Variants in HHEX observed in about 807,000 individuals in gnomAD.
HHEX encodes the protein hematopoietically expressed homeobox.
Under a neutral mutation model 27.0 loss-of-function variants are expected in HHEX, and 8 were observed. The observed-to-expected ratio is 0.30, with a 90% CI of 0.17 to 0.54. The LOEUF (loss-of-function observed/expected upper bound fraction) is 0.54. Ranked by LOEUF, HHEX falls within the 20% of genes least tolerant of loss-of-function variation. The pLI, the probability that HHEX is intolerant of heterozygous loss-of-function variation, is 0.95. For missense variants in HHEX, 326 were observed against 357.2 expected, an observed-to-expected ratio of 0.91 and a Z score of 0.70; for synonymous variants, 164 against 161.5, an observed-to-expected ratio of 1.02 and a Z score of -0.12.
intron 1 of HHEX, chr10:92,691,442 C>T (rs924384127): frequency 6.6e-6 from 1 of 152,240 alleles, no homozygotes; most frequent in Admixed American, 6.5e-5. Context: ...TTAATGTCTC[C>T]ATTATTACGG....
At position 92,694,992 on chromosome 10, in the gene HHEX, T is replaced by G; in HGVS notation, c.*224T>G. ...ATGTACTGCTCTTAGGTTGTTTTGA[T>G]AAAGTGACATTATAGTGATTAAATT... On this transcript the variant is annotated 3_prime_UTR_variant, in exon 4 of 4. Coordinates refer to ENST00000282728, the MANE Select transcript of HHEX (RefSeq NM_002729.5). 1 of 507,314 alleles carries G rather than the reference T, an allele frequency of 2.0e-6. No individual in the cohort carries two copies. The highest frequency in any genetic ancestry group is 2.6e-5 in the South Asian group (1 of 38,944). The allele number at this position is 507,314 out of a possible 1,614,324, so 31.4% of individuals were successfully genotyped here.
Position 92,692,398 on chromosome 10 carries a change from A to G in HHEX, c.392A>G (p.Gln131Arg). The change falls in exon 2 of 4, where the codon CAG becomes CGG. Residue 131 changes from glutamine (Q) to arginine (R), a missense_variant. This residue lies in a region of HHEX where 215 missense variants were observed against 196.4 expected (regional missense o/e 1.09). Transcript: ENST00000282728. ...CCTCTACTCTGGAGCCCCTTCTTGCAGAGGCCTCTGCATAAAAGGAAAGGC... is the reference window on the plus strand; with the variant it reads ...CCTCTACTCTGGAGCCCCTTCTTGCGGAGGCCTCTGCATAAAAGGAAAGGC... Reference protein sequence around the residue: ...GKPLLWSPFLQRPLHKRKGGQ... With the variant: ...GKPLLWSPFLRRPLHKRKGGQ... 1.2e-6 allele frequency: 2 copies of G among 1,613,368 alleles called. No homozygotes were observed. Among genetic ancestry groups the G allele is most frequent in the Non-Finnish European group, 1.7e-6 (2 of 1,179,732 alleles).
chr10:92,690,681 C>T (rs915683997), intron 1 of HHEX, among the ~76,000 whole-genome samples: 2 of 152,166 alleles, frequency 1.3e-5, no homozygotes, highest in Non-Finnish European at 2.9e-5. Context: ...CCCTGGCCGG[C>T]CCCCGTGGGG....
intron 3 of HHEX, 91 bp downstream of exon 3, chr10:92,692,843 T>G: frequency 9.5e-7 from 1 of 1,055,478 alleles, no homozygotes; most frequent in Non-Finnish European, 1.5e-6. Flanking sequence ...AAAAGTCATT[T>G]AAGAGACTAT....
chr10:92,694,662 G>A lies in HHEX; in HGVS notation c.707G>A (p.Cys236Tyr), dbSNP rs755816063. 2.0e-5 allele frequency: 32 copies of A among 1,613,992 alleles called. No homozygotes were observed. In the African/African-American group the frequency reaches 4.1e-4, roughly 21 times the overall value. The stretch of plus-strand genomic sequence containing the variant: ...GGTGCTTCTTTGGATAGCTCTCAAT[G>A]TTCGCCCTCCCCTGCCTCCCAGGAA... ...NKGASLDSSQ[C>Y]SPSPASQEDL... The change falls in exon 4 of 4, where the codon TGT (cysteine) becomes TAT (tyrosine). Residue 236 changes from cysteine (C) to tyrosine (Y), a missense_variant. Physicochemically the swap from Cys to Tyr is radical, Grantham distance 194 (BLOSUM62 -2). Around this residue, in one of 4 missense-constraint regions of HHEX, gnomAD observed 68 missense variants for 84.9 expected, o/e 0.80. Coordinates refer to ENST00000282728, the MANE Select transcript of HHEX (RefSeq NM_002729.5).
chr10:92,691,904 T>TC (rs1407876838), intron 1 of HHEX: 1 of 153,390 alleles, frequency 6.5e-6, no homozygotes, highest in African/African-American at 2.4e-5. Context: ...CCCGAGCGCT[T>TC]CCCGCGCAGC....
At position 92,694,716 on chromosome 10, in the gene HHEX, C is replaced by G; in HGVS notation, c.761C>G (p.Ser254Cys). 6.2e-7 allele frequency: 1 copy of G among 1,614,110 alleles called. No individual in the cohort carries two copies. Among genetic ancestry groups the G allele is most frequent in the South Asian group, 1.1e-5 (1 of 91,088 alleles). ...CTTGAATCAGAGATTTCAGAGGATT[C>G]TGATCAGGAAGTGGACATTGAGGGC... ...EDLESEISED[S>C]DQEVDIEGDK... Residue 254 changes from serine (S) to cysteine (C), a missense_variant, in exon 4 of 4, where the codon TCT becomes TGT. Coordinates refer to ENST00000282728, the MANE Select transcript of HHEX (RefSeq NM_002729.5).
In HHEX at chr10:92,694,627, A is replaced by G. The variant is rs146499847; in HGVS notation, c.672A>G (p.Glu224=). 1.9e-5 allele frequency: 30 copies of G among 1,614,072 alleles called. No individual in the cohort carries two copies. Among genetic ancestry groups the G allele is most frequent in the African/African-American group, 2.7e-5 (2 of 74,952 alleles). ...ATCAGAGGCAAGATTTGCCCAGTGA[A>G]CAGAATAAAGGTGCTTCTTTGGATA... is the stretch of plus-strand genomic sequence containing the variant. ...SCDQRQDLPS[E]QNKGASLDSS... is the part of the protein sequence containing the mutation. Residue 224 remains glutamate, a synonymous_variant, in exon 4 of 4, where the codon GAA becomes GAG. Coordinates refer to ENST00000282728, the MANE Select transcript of HHEX (RefSeq NM_002729.5).
intron 3 of HHEX, among the ~76,000 whole-genome samples, chr10:92,693,967 A>G (rs1589623373): frequency 6.6e-6 from 1 of 152,222 alleles, no homozygotes; most frequent in Non-Finnish European, 1.5e-5. Context: ...AGTTGGCAGC[A>G]TTCTTCCAGA....
At position 92,694,688 on chromosome 10, in the gene HHEX, G is replaced by C; in HGVS notation, c.733G>C (p.Asp245His). Residue 245 changes from aspartate to histidine, a missense_variant, in exon 4 of 4, where the codon GAC becomes CAC. Physicochemically the swap from Asp to His is moderately conservative, Grantham distance 81. Coordinates refer to ENST00000282728, the MANE Select transcript of HHEX (RefSeq NM_002729.5). ...TTCGCCCTCCCCTGCCTCCCAGGAA[G>C]ACCTTGAATCAGAGATTTCAGAGGA... ...QCSPSPASQE[D>H]LESEISEDSD... The C allele has an allele frequency of 6.2e-7, 1 of 1,614,168 alleles. No homozygotes were observed. The highest frequency in any genetic ancestry group is 8.5e-7 in the Non-Finnish European group (1 of 1,180,008).
intron 1 of HHEX, 97 bp from the exon 2 acceptor site, chr10:92,692,268 GCCT>G (rs879672693): frequency 1.1e-4 from 135 of 1,242,580 alleles, no homozygotes; most frequent in Non-Finnish European, 1.4e-4. Context: ...TGGTTGGGTG[GCCT>G]CCTGGCCTAC....
chr10:92,694,065 G>GA (rs1564729528), intron 3 of HHEX, among the ~76,000 whole-genome samples: 1 of 151,996 alleles, frequency 6.6e-6, no homozygotes, highest in African/African-American at 2.4e-5. Context: ...GAAAATGAAT[G>GA]AAAAAAGATC....
Position 92,692,561 on chromosome 10 carries a change from G to T in HHEX, c.540+15G>T. The stretch of plus-strand genomic sequence containing the variant: ...GCGAGAGACAGGTGAGCTCGCGGGG[G>T]GCCTGGGGCCGCCTCCGGGGAAGGG... On this transcript the variant is annotated intron_variant, in intron 2 of 3. Coordinates refer to ENST00000282728, the MANE Select transcript of HHEX (RefSeq NM_002729.5). 1 of 1,612,612 alleles carries T rather than the reference G, an allele frequency of 6.2e-7. No homozygotes were observed. Among genetic ancestry groups the T allele is most frequent in the South Asian group, 1.1e-5 (1 of 91,034 alleles).
At chr10:92,692,883 AAT>A in intron 3 of HHEX, 131 bp downstream of exon 3, 1 of 747,980 alleles carries the variant, frequency 1.3e-6, no homozygotes, top group Admixed American at 2.5e-5. Context: ...TAAAAAGACA[AAT>A]AGTCCTGCTG....
chr10:92,690,533 T>G (rs967328917), intron 1 of HHEX, among the ~76,000 whole-genome samples, 186 bp downstream of exon 1: 2 of 151,834 alleles, frequency 1.3e-5, no homozygotes, highest in Admixed American at 1.3e-4. Flanking sequence ...TGACTCAGAT[T>G]GGTTTTCCTG....
intron 2 of HHEX, 59 bp from the exon 3 acceptor site, chr10:92,692,643 G>A: frequency 1.9e-6 from 3 of 1,604,768 alleles, no homozygotes; most frequent in East Asian, 2.2e-5. Context: ...GAGCCACCCT[G>A]CCCTCTGGCA....
At chr10:92,692,848 G>A in intron 3 of HHEX, 96 bp downstream of exon 3, 1 of 1,034,726 alleles carries the variant, frequency 9.7e-7, no homozygotes, top group African/African-American at 1.6e-5. Context: ...TCATTTAAGA[G>A]ACTATTTAAC....
In HHEX at chr10:92,694,999, A is replaced by G; in HGVS notation, c.*231A>G. On this transcript the variant is annotated 3_prime_UTR_variant, in exon 4 of 4. Coordinates refer to ENST00000282728, the MANE Select transcript of HHEX (RefSeq NM_002729.5). ...GCTCTTAGGTTGTTTTGATAAAGTG[A>G]CATTATAGTGATTAAATTCTTCCCC... 2.3e-6 allele frequency: 1 copy of G among 429,040 alleles called. No individual in the cohort carries two copies. Among genetic ancestry groups the G allele is most frequent in the Middle Eastern group, 6.3e-4 (1 of 1,580 alleles). 26.6% of individuals were successfully genotyped at this position (429,040 alleles called of 1,614,324 possible).
chr10:92,695,452 AAAGTT>A lies in HHEX; in HGVS notation c.*687_*691del, dbSNP rs1162481459. On this transcript the variant is annotated 3_prime_UTR_variant, in exon 4 of 4. Coordinates refer to ENST00000282728, the MANE Select transcript of HHEX (RefSeq NM_002729.5). ...TTCAAGCAGAGAAACTGACCTGACTAAAGTTAATCGCAGATGAACTAGAAGTCACA... is the reference window on the plus strand; with the variant it reads ...TTCAAGCAGAGAAACTGACCTGACTAAATCGCAGATGAACTAGAAGTCACA... 1 of 152,724 alleles carries A rather than the reference AAAGTT, an allele frequency of 6.5e-6. No homozygotes were observed. The highest frequency in any genetic ancestry group is 1.5e-5 in the Non-Finnish European group (1 of 68,088). 9.5% of individuals were successfully genotyped at this position (152,724 alleles called of 1,614,324 possible).
Sources: allele counts gnomAD v4.1 joint callset (sites outside exome capture counted in the v4.1 genomes callset), GRCh38; gene constraint gnomAD v4.1.1; regional missense constraint gnomAD v4.1.1; transcripts MANE v1.5; gene names NCBI Gene and HGNC (gene_info 2026-07-23, HGNC 2026-07-21).